The following TSNARE1 variants were observed in gnomAD, a reference collection of about 807,000 sequenced individuals.
TSNARE1 encodes t-SNARE domain-containing protein 1.
Under a neutral mutation model 62.0 loss-of-function variants are expected in TSNARE1, and 49 were observed. The ratio of observed to expected loss-of-function variants is 0.79; its 90% CI spans 0.63 to 1.00. TSNARE1 has a LOEUF of 1.00. Ranked by LOEUF, TSNARE1 falls within the 50% of genes least tolerant of loss-of-function variation. The probability of loss-of-function intolerance (pLI) is 0.00; values close to 1 mark genes in which losing one functional copy is unlikely to be tolerated. For missense variants in TSNARE1, 755 were observed against 700.1 expected, an observed-to-expected ratio of 1.08 and a Z score of -0.88; for synonymous variants, 328 against 294.4, an observed-to-expected ratio of 1.11 and a Z score of -1.17.
At chr8:142,360,068 G>C (rs752172305) in intron 1 of TSNARE1, among the ~76,000 whole-genome samples, 2 of 152,224 alleles carry the variant, frequency 1.3e-5, no homozygotes, top group Admixed American at 6.5e-5. Context: ...GGCCTTGAAG[G>C]CCTGGGCACA....
At chr8:142,271,143 G>A (rs1819493604) in intron 12 of TSNARE1, 1 of 987,464 alleles carries the variant, frequency 1.0e-6, no homozygotes, top group Non-Finnish European at 1.2e-6. Context: ...AGCCCCGAGT[G>A]GGTGCCCTTG....
chr8:142,361,728 C>T (rs1441771758), intron 1 of TSNARE1, among the ~76,000 whole-genome samples: 1 of 152,162 alleles, frequency 6.6e-6, no homozygotes, highest in Non-Finnish European at 1.5e-5. Context: ...CTTCACACTC[C>T]CTAAATGAAC....
At chr8:142,222,932 C>CACTCATACTCATT in intron 13 of TSNARE1, among the ~76,000 whole-genome samples, 1 of 136,058 alleles carries the variant, frequency 7.3e-6, no homozygotes, top group East Asian at 2.5e-4. Context: ...ATTCACTCAT[C>CACTCATACTCATT]CACTCATTCA....
rs190172257 is a variant in TSNARE1 at position 142,296,579 on chromosome 8, G to T, written c.1290+3907C>A. ...CCCACTACTCCAGGCTCTGGGGATG[G>T]GGCTGACCCCAGGCAAGCAAGGGCC... On this transcript the variant is annotated intron_variant, in intron 10 of 13. Transcript: ENST00000524325. 5.7e-3 allele frequency among the ~76,000 whole-genome samples: 868 copies of T among 152,098 alleles called. 6 individuals carry two copies. Among genetic ancestry groups the T allele is most frequent in the Admixed American group, 9.2e-3 (140 of 15,290 alleles).
intron 1 of TSNARE1, among the ~76,000 whole-genome samples, chr8:142,388,590 C>T (rs1171457125): frequency 4.0e-5 from 5 of 125,904 alleles, no homozygotes; most frequent in African/African-American, 1.3e-4. Flanking sequence ...CAGAGTCTCG[C>T]TCTGTCACCC....
chr8:142,272,979 AC>A (rs2130552781), intron 12 of TSNARE1: 1 of 985,276 alleles, frequency 1.0e-6, no homozygotes, highest in Non-Finnish European at 1.2e-6. Flanking sequence ...TCCCTGGTGG[AC>A]CCCCTCGGGA....
intron 10 of TSNARE1, among the ~76,000 whole-genome samples, chr8:142,292,712 C>T (rs534553140): frequency 6.6e-6 from 1 of 152,210 alleles, no homozygotes; most frequent in East Asian, 1.9e-4. Flanking sequence ...AAGACTGTCC[C>T]GAGCCCCCAG....
At position 142,344,469 on chromosome 8, in the gene TSNARE1, G is replaced by A. The variant is rs202197341; in HGVS notation, c.242C>T (p.Pro81Leu). ...PIVPRARKRGPGVAPEGSRMP... is the reference protein window; with the variant it reads ...PIVPRARKRGLGVAPEGSRMP... ...CCGGCTGCCTTCAGGGGCAACCCCA[G>A]GCCCTGGAAAGGCACCAAAAGGCGG... is the stretch of plus-strand genomic sequence containing the variant. Residue 81 changes from proline to leucine, a missense_variant, in exon 4 of 14, where the codon CCT (proline) becomes CTT (leucine). By Grantham distance (98) the Pro-to-Leu change is moderately conservative. Coordinates refer to ENST00000524325, the MANE Select transcript of TSNARE1 (RefSeq NM_145003.5). The A allele has an allele frequency of 5.8e-6, 9 of 1,542,118 alleles. No individual in the cohort carries two copies. The highest frequency in any genetic ancestry group is 7.8e-6 in the Non-Finnish European group (9 of 1,149,460).
At chr8:142,331,678 C>T (rs751324968) in intron 5 of TSNARE1, 76 bp downstream of exon 5, 4 of 1,424,018 alleles carry the variant, frequency 2.8e-6, no homozygotes, top group Admixed American at 3.9e-5. Context: ...CCATCCAGCA[C>T]CCTCGCCTCC....
At position 142,331,821 on chromosome 8, in the gene TSNARE1, G is replaced by A. The variant is rs749516972; in HGVS notation, c.756C>T (p.Val252=). The change falls in exon 5 of 14, where the codon GTC becomes GTT. Residue 252 remains valine (V), a synonymous_variant. Coordinates refer to ENST00000524325, the MANE Select transcript of TSNARE1 (RefSeq NM_145003.5). ...ACAGCTCCTGGAGGTTGCACGGATC[G>A]ACCTGGGTGGCTGGGAGAAGACAGG... ...FSLEPPRATQ[V]DPCNLQELFQ... is the part of the protein sequence containing the mutation. The A allele has an allele frequency of 2.7e-5, 43 of 1,608,132 alleles. No homozygotes were observed. Among genetic ancestry groups the A allele is most frequent in the Non-Finnish European group, 3.0e-5 (35 of 1,177,394 alleles).
chr8:142,218,776 G>A (rs1816070820), intron 13 of TSNARE1, among the ~76,000 whole-genome samples: 1 of 152,160 alleles, frequency 6.6e-6, no homozygotes, highest in Non-Finnish European at 1.5e-5. Context: ...GCCCTTCTCT[G>A]CTTGGGCAAC....
chr8:142,274,510 C>T (rs989896663), intron 12 of TSNARE1: 2 of 985,380 alleles, frequency 2.0e-6, no homozygotes, highest in Non-Finnish European at 2.4e-6. Flanking sequence ...CTCGGCTGCA[C>T]CCCGGATCCA....
At chr8:142,379,241 C>G (rs1432559500) in intron 1 of TSNARE1, among the ~76,000 whole-genome samples, 1 of 152,214 alleles carries the variant, frequency 6.6e-6, no homozygotes, top group East Asian at 1.9e-4. Context: ...AAGGACAGAC[C>G]GTCCGTCACG....
intron 4 of TSNARE1, among the ~76,000 whole-genome samples, chr8:142,335,245 T>C (rs1831590331): frequency 6.6e-6 from 1 of 152,028 alleles, no homozygotes; most frequent in Non-Finnish European, 1.5e-5. Context: ...TGATCCTGAA[T>C]GTACTGAAAC....
At chr8:142,376,228 G>A (rs1336096595) in intron 1 of TSNARE1, among the ~76,000 whole-genome samples, 9 of 152,152 alleles carry the variant, frequency 5.9e-5, no homozygotes, top group Non-Finnish European at 8.8e-5. Flanking sequence ...TGTGTCTCAC[G>A]CAGTGAGACT....
Position 142,331,784 on chromosome 8 carries a change from A to C in TSNARE1, c.793T>G (p.Ser265Ala), listed in dbSNP as rs752049004. 2 of 1,606,854 alleles carry C rather than the reference A, an allele frequency of 1.2e-6. No individual in the cohort carries two copies. The highest frequency in any genetic ancestry group is 3.4e-5 in the Admixed American group (2 of 59,214). Residue 265 changes from serine (S) to alanine (A), a missense_variant, in exon 5 of 14, where the codon TCG becomes GCG. Physicochemically the swap from Ser to Ala is moderately conservative, Grantham distance 99 (BLOSUM62 1). Coordinates refer to ENST00000524325, the MANE Select transcript of TSNARE1 (RefSeq NM_145003.5). The stretch of plus-strand genomic sequence containing the variant: ...GAGTTGATTCGGAAGACGTTGGCCG[A>C]CATCTCCTGGAACAGCTCCTGGAGG... ...CNLQELFQEM[S>A]ANVFRINSSV... is the part of the protein sequence containing the mutation.
chr8:142,230,691 A>T (rs924416096), intron 12 of TSNARE1, among the ~76,000 whole-genome samples: 1 of 152,130 alleles, frequency 6.6e-6, no homozygotes, highest in African/African-American at 2.4e-5. Context: ...AGTATAAAGG[A>T]CAAGCCAAGG....
chr8:142,255,467 T>C (rs375511434), intron 12 of TSNARE1, among the ~76,000 whole-genome samples: 3,023 of 31,514 alleles, frequency 0.096, 789 homozygotes, highest in Middle Eastern at 0.19. Flanking sequence ...ACCATCACCA[T>C]CACCACCACC....
At chr8:142,294,270 C>G (rs774247810) in intron 10 of TSNARE1, among the ~76,000 whole-genome samples, 1 of 152,046 alleles carries the variant, frequency 6.6e-6, no homozygotes, top group Non-Finnish European at 1.5e-5. Flanking sequence ...TTTGCAGGGA[C>G]GAGGCAGGGA....
Sources: gnomAD v4.1 joint callset for allele counts (sites outside exome capture counted in the v4.1 genomes callset) on GRCh38, gnomAD v4.1.1 for gene constraint, MANE v1.5 for transcripts, NCBI Gene and HGNC (gene_info 2026-07-23, HGNC 2026-07-21) for gene names.